The following ST18 variants were observed in gnomAD, a reference collection of about 807,000 sequenced individuals.
ST18 encodes the protein suppression of tumorigenicity 18 protein.
A neutral mutation model predicts 110.0 loss-of-function variants in ST18; 50 were observed. The observed-to-expected ratio is 0.45, with a 90% CI of 0.36 to 0.58. The LOEUF is 0.58. Ranked by LOEUF, ST18 falls within the 20% of genes least tolerant of loss-of-function variation. The pLI, the probability that ST18 is intolerant of heterozygous loss-of-function variation, is 0.00. For synonymous variants in ST18, 461 were observed against 452.4 expected (o/e 1.02, Z -0.24); for missense variants, 1,306 against 1,280.1 (o/e 1.02, Z -0.31).
intron 2 of ST18, among the ~76,000 whole-genome samples, chr8:52,297,611 A>G (rs2095654838): frequency 6.6e-6 from 1 of 152,244 alleles, no homozygotes; most frequent in Non-Finnish European, 1.5e-5. Flanking sequence ...ACTTTATAAG[A>G]TTTGAAAAGT....
intron 2 of ST18, among the ~76,000 whole-genome samples, chr8:52,354,394 A>G (rs922535432): frequency 6.6e-6 from 1 of 152,214 alleles, no homozygotes; most frequent in Non-Finnish European, 1.5e-5. Flanking sequence ...TTTTCAGAGC[A>G]TGGGCAAGAC....
intron 15 of ST18, among the ~76,000 whole-genome samples, chr8:52,152,085 G>T (rs984293290): frequency 6.6e-6 from 1 of 152,306 alleles, no homozygotes. Flanking sequence ...TAAAAGAGGC[G>T]CTTTCCTGCA....
At chr8:52,228,914 TCCAATA>T (rs1383537991) in intron 3 of ST18, among the ~76,000 whole-genome samples, 1 of 152,058 alleles carries the variant, frequency 6.6e-6, no homozygotes, top group Non-Finnish European at 1.5e-5. Context: ...CACTAAAAAG[TCCAATA>T]AAGCATGTAC....
intron 2 of ST18, among the ~76,000 whole-genome samples, chr8:52,348,555 G>C (rs1818773292): frequency 6.6e-6 from 1 of 152,174 alleles, no homozygotes. Flanking sequence ...GACCAGCCTG[G>C]CCAACATGGT....
intron 18 of ST18, among the ~76,000 whole-genome samples, chr8:52,136,887 C>G (rs1205143990): frequency 6.6e-6 from 1 of 152,108 alleles, no homozygotes; most frequent in Non-Finnish European, 1.5e-5. Context: ...ATGACTTTAG[C>G]CCAATGAGAC....
chr8:52,227,208 T>C (rs2089780676), intron 3 of ST18, among the ~76,000 whole-genome samples: 2 of 152,186 alleles, frequency 1.3e-5, no homozygotes, highest in South Asian at 4.1e-4. Flanking sequence ...CACGTATTTT[T>C]CTCCTAAGAA....
chr8:52,315,733 G>T (rs1241738870), intron 2 of ST18, among the ~76,000 whole-genome samples: 1 of 152,156 alleles, frequency 6.6e-6, no homozygotes, highest in Non-Finnish European at 1.5e-5. Context: ...TGTGTGTTAT[G>T]AATAACTGCA....
chr8:52,255,377 C>T (rs1349892209), intron 2 of ST18, among the ~76,000 whole-genome samples: 8 of 152,144 alleles, frequency 5.3e-5, no homozygotes, highest in Non-Finnish European at 1.0e-4. Flanking sequence ...AAAAGGCAGT[C>T]TATCCTCCCA....
intron 6 of ST18, among the ~76,000 whole-genome samples, chr8:52,215,468 A>T (rs1433806939): frequency 5.3e-5 from 8 of 152,222 alleles, no homozygotes; most frequent in African/African-American, 1.9e-4. Context: ...TTTCACCTGC[A>T]ACACTACAGA....
At chr8:52,232,833 G>A (rs1278280864) in intron 2 of ST18, among the ~76,000 whole-genome samples, 1 of 151,768 alleles carries the variant, frequency 6.6e-6, no homozygotes, top group East Asian at 1.9e-4. Context: ...TCTCTAAACA[G>A]CAAGTCATTT....
chr8:52,294,988 G>T (rs969632920), intron 2 of ST18, among the ~76,000 whole-genome samples: 1 of 152,174 alleles, frequency 6.6e-6, no homozygotes, highest in African/African-American at 2.4e-5. Context: ...CTTGCCGTTT[G>T]TAAGATGAAC....
chr8:52,250,919 A>C lies in ST18; in HGVS notation c.-464-20842T>G, dbSNP rs935626386. ...TTCCAACACCTTATCACATTGATTG[A>C]GTTTAAACAGTTCAAGACTCTTGGT... On this transcript the variant is annotated intron_variant, in intron 2 of 25. Transcript: ENST00000689386. Among the ~76,000 whole-genome samples the C allele has an allele frequency of 2.0e-5, 3 of 152,148 alleles. No homozygotes were observed. The East Asian group carries it at 5.8e-4, about 29-fold the overall frequency.
At chr8:52,352,095 A>C (rs1157125998) in intron 2 of ST18, among the ~76,000 whole-genome samples, 2 of 152,314 alleles carry the variant, frequency 1.3e-5, no homozygotes, top group Admixed American at 1.3e-4. Context: ...CCAGAAATGC[A>C]AAGTGTAGTC....
At chr8:52,187,837 T>C (rs978077004) in intron 8 of ST18, among the ~76,000 whole-genome samples, 5 of 152,224 alleles carry the variant, frequency 3.3e-5, no homozygotes, top group African/African-American at 7.2e-5. Flanking sequence ...TTAATTTGCA[T>C]TTCTATACCA....
chr8:52,255,095 A>T (rs1193052401), intron 2 of ST18, among the ~76,000 whole-genome samples: 2 of 152,178 alleles, frequency 1.3e-5, no homozygotes, highest in African/African-American at 2.4e-5. Flanking sequence ...ACCAATTAAA[A>T]TGACAAAGGC....
intron 2 of ST18, among the ~76,000 whole-genome samples, chr8:52,326,183 AG>A (rs1238351792): frequency 6.6e-6 from 1 of 152,220 alleles, no homozygotes; most frequent in African/African-American, 2.4e-5. Context: ...CAAAAAAATG[AG>A]GCTAAAATTT....
intron 2 of ST18, among the ~76,000 whole-genome samples, chr8:52,392,793 C>T (rs1222371096): frequency 6.6e-6 from 1 of 152,164 alleles, no homozygotes; most frequent in African/African-American, 2.4e-5. Context: ...AGGAGTAGCT[C>T]ATGACCAATC....
At chr8:52,380,563 A>G (rs1023596435) in intron 2 of ST18, among the ~76,000 whole-genome samples, 1 of 151,908 alleles carries the variant, frequency 6.6e-6, no homozygotes, top group East Asian at 1.9e-4. Context: ...TCTCCCTAGC[A>G]CTCCCTATAT....
chr8:52,349,928 T>G (rs1819496701), intron 2 of ST18, among the ~76,000 whole-genome samples: 1 of 151,946 alleles, frequency 6.6e-6, no homozygotes, highest in African/African-American at 2.4e-5. Context: ...GGCTGGAGCT[T>G]TTGAGATAGG....
Sources: allele counts gnomAD v4.1 joint callset (sites outside exome capture counted in the v4.1 genomes callset), GRCh38; gene constraint gnomAD v4.1.1; transcripts MANE v1.5; gene names NCBI Gene and HGNC (gene_info 2026-07-23, HGNC 2026-07-21).